The following SEL1L3 variants were observed in gnomAD, a reference collection of about 807,000 sequenced individuals.
SEL1L3 encodes SEL1L family member 3.
Under a neutral mutation model 142.8 loss-of-function variants are expected in SEL1L3, and 76 were observed. The ratio of observed to expected loss-of-function variants is 0.53; its 90% CI spans 0.44 to 0.64. The LOEUF (loss-of-function observed/expected upper bound fraction) is 0.64. SEL1L3 is among the 30% of genes least tolerant of loss of function. The pLI is 0.00. For missense variants in SEL1L3, 1,262 were observed against 1,381.7 expected (o/e 0.91, Z 1.37); for synonymous variants, 504 against 519.6 (o/e 0.97, Z 0.41).
chr4:25,785,246 G>A (rs182555552), intron 13 of SEL1L3, among the ~76,000 whole-genome samples: 167 of 152,270 alleles, frequency 1.1e-3, no homozygotes, highest in African/African-American at 3.7e-3. Context: ...TGGAAACAGC[G>A]CTAGTTACCG....
chr4:25,852,886 C>T (rs1271261621), intron 1 of SEL1L3, among the ~76,000 whole-genome samples: 1 of 152,116 alleles, frequency 6.6e-6, no homozygotes, highest in African/African-American at 2.4e-5. Flanking sequence ...CCAGTGAAAA[C>T]CTCTTTTAAA....
chr4:25,792,317 A>C (rs998714602), intron 11 of SEL1L3, among the ~76,000 whole-genome samples: 1 of 152,258 alleles, frequency 6.6e-6, no homozygotes, highest in Non-Finnish European at 1.5e-5. Flanking sequence ...TCCAGGTGAA[A>C]CTATAGAACT....
intron 2 of SEL1L3, among the ~76,000 whole-genome samples, chr4:25,838,353 C>T (rs1577679815): frequency 6.6e-6 from 1 of 152,152 alleles, no homozygotes; most frequent in Admixed American, 6.5e-5. Context: ...GTATTATTTC[C>T]TCAAATTTTA....
chr4:25,765,404 AT>A lies in SEL1L3; in HGVS notation c.2876del (p.Tyr959LeufsTer35). On this transcript the variant is annotated frameshift_variant, in exon 20 of 24. Coordinates refer to ENST00000399878, the MANE Select transcript of SEL1L3 (RefSeq NM_015187.5). LOFTEE classifies it high-confidence loss of function. The part of the protein sequence containing the change: ...AYLKMGDLYY[Y>X]GHQNQSQDLE... ...GGTCTTGTGACTGGTTTTGGTGGCC[AT>A]AGTAGTAAAGGTCTCCCATCTTCAA... 1 of 1,613,520 alleles carries A rather than the reference AT, an allele frequency of 6.2e-7. No homozygotes were observed. Among genetic ancestry groups the A allele is most frequent in the Non-Finnish European group, 8.5e-7 (1 of 1,179,442 alleles).
chr4:25,717,857 A>G, the SEL1L3 span, among the ~76,000 whole-genome samples: 5 of 152,194 alleles, frequency 3.3e-5, no homozygotes, highest in Non-Finnish European at 5.9e-5. Context: ...ATTAACTAAG[A>G]TAAAGGTTAA....
At chr4:25,765,191 G>C (rs532827145) in intron 20 of SEL1L3, 135 bp downstream of exon 20, 2 of 637,212 alleles carry the variant, frequency 3.1e-6, no homozygotes, top group African/African-American at 3.7e-5. Flanking sequence ...ATGGGGTTTC[G>C]CCATGTTGCT....
In SEL1L3 at chr4:25,758,938, C is replaced by T. The variant is rs1718186124; in HGVS notation, c.3083+3G>A. ...TCCACAGTTCTAGAGGCTCTGAGCT[C>T]ACCTTTCGTACAGTTCCTGGAGAAT... On this transcript the variant is annotated splice_donor_region_variant and intron_variant, in intron 21 of 23. Coordinates refer to ENST00000399878, the MANE Select transcript of SEL1L3 (RefSeq NM_015187.5). 4.3e-6 allele frequency: 7 copies of T among 1,612,268 alleles called. No individual in the cohort carries two copies. The highest frequency in any genetic ancestry group is 5.9e-6 in the Non-Finnish European group (7 of 1,179,382).
At chr4:25,748,586 AGG>A (rs751086946) in intron 23 of SEL1L3, 22 bp from the exon 24 acceptor site, 2 of 1,601,458 alleles carry the variant, frequency 1.2e-6, no homozygotes, top group African/African-American at 2.7e-5. Context: ...CATGCACAAC[AGG>A]TGCTGAATAC....
chr4:25,755,873 T>C (rs1182727365), intron 23 of SEL1L3: 1 of 984,462 alleles, frequency 1.0e-6, no homozygotes, highest in East Asian at 1.1e-4. Context: ...CAATTTGAAA[T>C]GGAAAACACT....
chr4:25,749,776 C>G (rs891789636), intron 23 of SEL1L3, among the ~76,000 whole-genome samples: 7 of 152,242 alleles, frequency 4.6e-5, no homozygotes, highest in African/African-American at 1.7e-4. Flanking sequence ...GCCCAAACTG[C>G]AGCCCATGGG....
At chr4:25,845,972 C>T (rs1382033278) in intron 2 of SEL1L3, among the ~76,000 whole-genome samples, 1 of 152,162 alleles carries the variant, frequency 6.6e-6, no homozygotes, top group Non-Finnish European at 1.5e-5. Flanking sequence ...TCCAAGCCTT[C>T]CCCCACCCCC....
the SEL1L3 span, among the ~76,000 whole-genome samples, chr4:25,732,069 G>A: frequency 5.9e-5 from 9 of 152,058 alleles, no homozygotes; most frequent in Admixed American, 5.9e-4. Context: ...GTGGGAGTCT[G>A]TGAAAGGAAG....
At chr4:25,755,596 G>A (rs62410854) in intron 23 of SEL1L3, among the ~76,000 whole-genome samples, 6 of 152,208 alleles carry the variant, frequency 3.9e-5, no homozygotes, top group Non-Finnish European at 7.4e-5. Context: ...AGAAAATGAC[G>A]AAAATGTATG....
chr4:25,715,441 A>G, the SEL1L3 span, among the ~76,000 whole-genome samples: 1 of 152,206 alleles, frequency 6.6e-6, no homozygotes, highest in Non-Finnish European at 1.5e-5. Flanking sequence ...GTTATTGTCC[A>G]TGGTAGAGGA....
chr4:25,740,588 C>T, the SEL1L3 span, among the ~76,000 whole-genome samples: 15 of 152,242 alleles, frequency 9.9e-5, no homozygotes, highest in East Asian at 1.4e-3. Context: ...CATCACCCTC[C>T]TTCATCCATA....
intron 16 of SEL1L3, 91 bp downstream of exon 16, chr4:25,778,984 TA>T: frequency 8.3e-7 from 1 of 1,198,376 alleles, no homozygotes. Flanking sequence ...GTACAACTGG[TA>T]AAAATAAAGA....
chr4:25,812,215 C>T (rs952341424), intron 9 of SEL1L3, among the ~76,000 whole-genome samples: 1 of 152,200 alleles, frequency 6.6e-6, no homozygotes, highest in Non-Finnish European at 1.5e-5. Context: ...GAACATACCT[C>T]ATCCACCCAC....
chr4:25,735,332 A>G, the SEL1L3 span, among the ~76,000 whole-genome samples: 1 of 152,104 alleles, frequency 6.6e-6, no homozygotes, highest in Non-Finnish European at 1.5e-5. Context: ...GGCGTGAGCT[A>G]CCACATAATA....
chr4:25,831,345 T>G (rs1715422522), intron 5 of SEL1L3, among the ~76,000 whole-genome samples: 1 of 151,952 alleles, frequency 6.6e-6, no homozygotes, highest in East Asian at 1.9e-4. Flanking sequence ...CCCAATAACA[T>G]GCTGAAATAC....
Sources: allele counts gnomAD v4.1 joint callset (sites outside exome capture counted in the v4.1 genomes callset), GRCh38; gene constraint gnomAD v4.1.1; transcripts MANE v1.5; gene names NCBI Gene and HGNC (gene_info 2026-07-23, HGNC 2026-07-21).